The following MYO3B variants were observed in gnomAD, a reference collection of about 807,000 sequenced individuals.
The protein encoded by MYO3B is myosin IIIB.
A neutral mutation model predicts 174.6 loss-of-function variants in MYO3B; 156 were observed. That is an observed-to-expected ratio of 0.89 (90% CI 0.78 to 1.02). The LOEUF is 1.02. Among genes scored for constraint, MYO3B ranks in the 50% least tolerant of loss-of-function variants. The probability of loss-of-function intolerance (pLI) is 0.00; values close to 1 mark genes in which losing one functional copy is unlikely to be tolerated. For synonymous variants in MYO3B, 563 were observed against 569.1 expected (o/e 0.99, Z 0.15); for missense variants, 1,632 against 1,639.4 (o/e 1.00, Z 0.08).
intron 22 of MYO3B, among the ~76,000 whole-genome samples, chr2:170,418,126 C>T (rs1666514897): frequency 2.0e-5 from 3 of 152,198 alleles, no homozygotes; most frequent in Non-Finnish European, 4.4e-5. Flanking sequence ...GTTTGACCTT[C>T]ATGTCATTGC....
Position 170,236,100 on chromosome 2 carries a change from A to G in MYO3B, c.713A>G (p.Asp238Gly), listed in dbSNP as rs765356364. 5.0e-6 allele frequency: 8 copies of G among 1,614,014 alleles called. No homozygotes were observed. The African/African-American group carries it at 6.7e-5, about 13-fold the overall frequency. Residue 238 changes from aspartate to glycine, a missense_variant, in exon 7 of 35, where the codon GAC becomes GGC. Physicochemically the swap from Asp to Gly is moderately conservative, Grantham distance 94. Coordinates refer to ENST00000408978, the MANE Select transcript of MYO3B (RefSeq NM_138995.5). ...GGGGATGGAGACCCTCCCCTCTTTG[A>G]CATGCATCCTGTGAAAACACTCTTT... ...ELGDGDPPLFDMHPVKTLFKI... is the reference protein window; with the variant it reads ...ELGDGDPPLFGMHPVKTLFKI...
intron 32 of MYO3B, among the ~76,000 whole-genome samples, chr2:170,597,352 AG>A (rs1004792140): frequency 6.7e-6 from 1 of 148,920 alleles, no homozygotes; most frequent in African/African-American, 2.5e-5. Flanking sequence ...TGAGCAACAA[AG>A]GGAGACTCCA....
intron 32 of MYO3B, among the ~76,000 whole-genome samples, chr2:170,580,560 C>T (rs1004300606): frequency 3.9e-5 from 6 of 152,154 alleles, no homozygotes; most frequent in Admixed American, 3.3e-4. Flanking sequence ...ATCGCTTGAA[C>T]CTGGGAGGCG....
chr2:170,556,701 C>T (rs1017444290), intron 32 of MYO3B, among the ~76,000 whole-genome samples: 5 of 151,970 alleles, frequency 3.3e-5, no homozygotes, highest in Non-Finnish European at 7.4e-5. Flanking sequence ...TTTTGTATTT[C>T]AGTAGAAACG....
chr2:170,442,223 A>G (rs1199132150), intron 22 of MYO3B, among the ~76,000 whole-genome samples: 1 of 152,070 alleles, frequency 6.6e-6, no homozygotes, highest in Admixed American at 6.5e-5. Context: ...TAGCTCTAAT[A>G]TTTTGTATTC....
At chr2:170,649,480 A>G (rs1416574191) in intron 32 of MYO3B, among the ~76,000 whole-genome samples, 1 of 139,040 alleles carries the variant, frequency 7.2e-6, no homozygotes, top group Non-Finnish European at 1.5e-5. Context: ...TTTTCATCGA[A>G]CTTACTTTTA....
intron 32 of MYO3B, among the ~76,000 whole-genome samples, chr2:170,629,430 T>TTTAGCAGAGGGTAAA (rs1696750142): frequency 6.6e-6 from 1 of 152,210 alleles, no homozygotes; most frequent in South Asian, 2.1e-4. Flanking sequence ...TGAGGGTGAT[T>TTTAGCAGAGGGTAAA]TTAGCAGAGG....
At chr2:170,484,960 T>C (rs1045854329) in intron 25 of MYO3B, among the ~76,000 whole-genome samples, 2 of 152,170 alleles carry the variant, frequency 1.3e-5, no homozygotes, top group African/African-American at 4.8e-5. Flanking sequence ...GAGAAAATTA[T>C]TTATATGGAT....
chr2:170,653,042 G>A lies in MYO3B; in HGVS notation c.3947G>A (p.Cys1316Tyr), dbSNP rs375491254. The change falls in exon 35 of 35, where the codon TGT (cysteine) becomes TAT (tyrosine). Residue 1316 changes from cysteine (C) to tyrosine (Y), a missense_variant. Physicochemically the swap from Cys to Tyr is radical, Grantham distance 194. Transcript: ENST00000408978. The part of the protein sequence containing the change: ...EYYKSLSPVD[C>Y]IPEENNSAHP... ...TACAAATCTCTGTCACCAGTGGACT[G>A]TATCCCTGAGGAGAACAACTCAGCC... 2.3e-5 allele frequency: 37 copies of A among 1,614,140 alleles called. No individual in the cohort carries two copies. The East Asian group carries it at 6.5e-4, about 28-fold the overall frequency.
At chr2:170,289,392 A>G (rs1012303550) in intron 7 of MYO3B, among the ~76,000 whole-genome samples, 1 of 151,994 alleles carries the variant, frequency 6.6e-6, no homozygotes, top group Non-Finnish European at 1.5e-5. Flanking sequence ...TCTCATTAAC[A>G]ATTATTGGTT....
At chr2:170,582,696 G>A (rs964988954) in intron 32 of MYO3B, among the ~76,000 whole-genome samples, 1 of 152,090 alleles carries the variant, frequency 6.6e-6, no homozygotes, top group African/African-American at 2.4e-5. Context: ...AAAAATCCCA[G>A]CAGGAGTTGT....
chr2:170,437,730 A>T (rs1457755892), intron 22 of MYO3B, among the ~76,000 whole-genome samples: 1 of 152,164 alleles, frequency 6.6e-6, no homozygotes, highest in Non-Finnish European at 1.5e-5. Context: ...TGAACCTAGG[A>T]TGGGTAGAGA....
At chr2:170,187,490 A>G (rs916763325) in intron 1 of MYO3B, among the ~76,000 whole-genome samples, 2 of 152,134 alleles carry the variant, frequency 1.3e-5, no homozygotes, top group African/African-American at 4.8e-5. Flanking sequence ...CTTCATCCCA[A>G]AGTGCTGGGA....
intron 23 of MYO3B, among the ~76,000 whole-genome samples, chr2:170,448,181 C>G (rs1029877967): frequency 6.6e-6 from 1 of 152,120 alleles, no homozygotes; most frequent in African/African-American, 2.4e-5. Flanking sequence ...TGGGAAAGGG[C>G]TGTTATTGTC....
rs745818483 is a variant in MYO3B at position 170,407,755 on chromosome 2, A to G, written c.2561A>G (p.Asp854Gly). Reference protein sequence around the residue: ...DASGVLEKNRDTLPADVVVVL... With the variant: ...DASGVLEKNRGTLPADVVVVL... The stretch of plus-strand genomic sequence containing the variant: ...TCTGGGGTTCTTGAGAAAAATAGAG[A>G]CACTCTCCCTGCCGATGTGGTTGTG... Residue 854 changes from aspartate to glycine, a missense_variant, in exon 22 of 35, where the codon GAC (aspartate) becomes GGC (glycine). Transcript: ENST00000408978. 1.2e-6 allele frequency: 2 copies of G among 1,613,898 alleles called. No homozygotes were observed. The highest frequency in any genetic ancestry group is 1.7e-6 in the Non-Finnish European group (2 of 1,179,982).
chr2:170,507,974 T>C (rs1332500506), intron 28 of MYO3B, among the ~76,000 whole-genome samples: 4 of 152,224 alleles, frequency 2.6e-5, no homozygotes, highest in Non-Finnish European at 4.4e-5. Flanking sequence ...TTGCCCATGC[T>C]AGGATTAAAT....
At chr2:170,652,798 G>A (rs894646318) in intron 34 of MYO3B, among the ~76,000 whole-genome samples, 185 bp from the exon 35 acceptor site, 1 of 152,152 alleles carries the variant, frequency 6.6e-6, no homozygotes, top group African/African-American at 2.4e-5. Context: ...AAGGTGAAGG[G>A]CTTTGTAGAT....
intron 7 of MYO3B, among the ~76,000 whole-genome samples, chr2:170,325,647 C>T (rs2093861336): frequency 6.6e-6 from 1 of 152,116 alleles, no homozygotes; most frequent in Non-Finnish European, 1.5e-5. Flanking sequence ...AGGAACTGGT[C>T]GTGCATGGTC....
chr2:170,295,464 C>T (rs6722997), intron 7 of MYO3B, among the ~76,000 whole-genome samples: 102,007 of 151,670 alleles, frequency 0.67, 34,452 homozygotes, highest in Admixed American at 0.73. Context: ...ATTGATTTAA[C>T]GAGGTAAAAA....
Sources: gnomAD v4.1 joint callset for allele counts (sites outside exome capture counted in the v4.1 genomes callset) on GRCh38, gnomAD v4.1.1 for gene constraint, MANE v1.5 for transcripts, NCBI Gene and HGNC (gene_info 2026-07-23, HGNC 2026-07-21) for gene names.